The following HEXD variants were observed in gnomAD, a reference collection of about 807,000 sequenced individuals.
HEXD encodes the protein N-acetyl-beta-galactosaminidase.
In HEXD, 47 loss-of-function variants were observed where a neutral mutation model predicts 54.2. The observed-to-expected ratio is 0.87, with a 90% CI of 0.69 to 1.11. HEXD has a LOEUF of 1.11. Ranked by LOEUF, HEXD falls within the 50% of genes least tolerant of loss-of-function variation. The pLI is 0.00. For synonymous variants in HEXD, 293 were observed against 287.6 expected (o/e 1.02, Z -0.19); for missense variants, 576 against 649.2 (o/e 0.89, Z 1.23).
intron 5 of HEXD, among the ~76,000 whole-genome samples, chr17:82,435,441 G>A (rs374751644): frequency 3.1e-4 from 47 of 152,224 alleles, no homozygotes; most frequent in African/African-American, 1.1e-3. Context: ...ATGGACCCCT[G>A]TGGTCTCTGC....
At position 82,437,283 on chromosome 17, in the gene HEXD, G is replaced by A. The variant is rs190233274; in HGVS notation, c.819G>A (p.Arg273=). Residue 273 remains arginine, a synonymous_variant, in exon 8 of 13, where the codon AGG becomes AGA. Coordinates refer to ENST00000327949, the MANE Select transcript of HEXD (RefSeq NM_001330542.2). ...TGCCCCCTGTTGAGCACCACCTCAG[G>A]AACCACGTGCAGTGGCTGCAGGTGG... ...QAVPPVEHHL[R]NHVQWLQVAG... is the part of the protein sequence containing the mutation. 96 of 1,612,460 alleles carry A rather than the reference G, an allele frequency of 6.0e-5. No individual in the cohort carries two copies. In the African/African-American group the frequency reaches 1.1e-3, roughly 18 times the overall value.
intron 2 of HEXD, chr17:82,420,536 G>A (rs2053204079): frequency 6.6e-6 from 1 of 152,284 alleles, no homozygotes; most frequent in South Asian, 2.1e-4. Flanking sequence ...AGAACTGTGA[G>A]AGAATAAATT....
At chr17:82,437,607 T>C (rs2053808741) in intron 8 of HEXD, among the ~76,000 whole-genome samples, 1 of 145,708 alleles carries the variant, frequency 6.9e-6, no homozygotes, top group African/African-American at 2.6e-5. Flanking sequence ...ATGCTACCCG[T>C]GTGCGCCGCA....
intron 4 of HEXD, among the ~76,000 whole-genome samples, chr17:82,433,091 A>AAAAAAATATAT (rs1555617647): frequency 7.6e-5 from 1 of 13,234 alleles, no homozygotes; most frequent in African/African-American, 6.0e-4. Context: ...AAAAAAAAAA[A>AAAAAAATATAT]ATATATATAT....
rs748365020 is a variant in HEXD at position 82,441,788 on chromosome 17, G to A, written c.1164-12G>A. 5 of 1,612,670 alleles carry A rather than the reference G, an allele frequency of 3.1e-6. No homozygotes were observed. The South Asian group carries it at 4.4e-5, about 14-fold the overall frequency. Reference sequence around the variant, plus strand: ...GTAGCCCGCGGCACACCCCTATGTGGATTTGCCCCAGGTATGTCACTGGCT... The same window carrying A: ...GTAGCCCGCGGCACACCCCTATGTGAATTTGCCCCAGGTATGTCACTGGCT... On this transcript the variant is annotated splice_polypyrimidine_tract_variant and intron_variant, in intron 11 of 12. Transcript: ENST00000327949.
At chr17:82,433,980 T>G (rs922760317) in intron 5 of HEXD, among the ~76,000 whole-genome samples, 158 bp downstream of exon 5, 2 of 152,162 alleles carry the variant, frequency 1.3e-5, no homozygotes, top group Non-Finnish European at 2.9e-5. Context: ...ATGGGCGGCC[T>G]GGCACGGGAC....
rs781038331 is a variant in HEXD, at chr17:82,441,232, C to T, written c.1129C>T (p.Arg377Cys). Residue 377 changes from arginine (R) to cysteine (C), a missense_variant, in exon 11 of 13, where the codon CGC becomes TGC. Coordinates refer to ENST00000327949, the MANE Select transcript of HEXD (RefSeq NM_001330542.2). ...ALVTQVSLHL[R>C]SSVDALLEGN... ...TGTCACACAAGTCAGCCTCCATCTGCGCAGCTCTGTGGATGCGCTGCTGGA... is the reference window on the plus strand; with the variant it reads ...TGTCACACAAGTCAGCCTCCATCTGTGCAGCTCTGTGGATGCGCTGCTGGA... 7 of 1,612,630 alleles carry T rather than the reference C, an allele frequency of 4.3e-6. No homozygotes were observed. Among genetic ancestry groups the T allele is most frequent in the East Asian group, 2.2e-5 (1 of 44,866 alleles).
chr17:82,437,067 G>T, intron 7 of HEXD, 101 bp from the exon 8 acceptor site: 4 of 1,053,402 alleles, frequency 3.8e-6, no homozygotes, highest in Non-Finnish European at 5.6e-6. Flanking sequence ...GCTGTCTCAG[G>T]CGGCTCCCAT....
intron 4 of HEXD, among the ~76,000 whole-genome samples, chr17:82,429,033 G>A (rs982092228): frequency 2.0e-5 from 3 of 152,140 alleles, no homozygotes; most frequent in Non-Finnish European, 4.4e-5. Flanking sequence ...GCCGAGGCTG[G>A]TGGATCACCT....
chr17:82,435,538 G>A (rs1450199429), intron 5 of HEXD, 151 bp from the exon 6 acceptor site: 11 of 670,248 alleles, frequency 1.6e-5, no homozygotes, highest in Non-Finnish European at 2.8e-5. Context: ...ACAGGGACAC[G>A]CTGGGGGTGG....
intron 4 of HEXD, among the ~76,000 whole-genome samples, chr17:82,429,005 A>T (rs1378045037): frequency 6.6e-6 from 1 of 152,170 alleles, no homozygotes; most frequent in African/African-American, 2.4e-5. Flanking sequence ...ACCAGTAGTA[A>T]TCCCAGCACT....
Position 82,418,371 on chromosome 17 carries a change from T to C in HEXD, c.-421T>C. On this transcript the variant is annotated 5_prime_UTR_variant, in exon 1 of 13. Coordinates refer to ENST00000327949, the MANE Select transcript of HEXD (RefSeq NM_001330542.2). The stretch of plus-strand genomic sequence containing the variant: ...CAGTCCCGCCCACTCCATGGCCCTG[T>C]CCGCCGCCGCAGCGCGCGCCCTTCC... 7.6e-7 allele frequency: 1 copy of C among 1,314,860 alleles called. No homozygotes were observed. The highest frequency in any genetic ancestry group is 3.9e-5 in the East Asian group (1 of 25,832). 81.4% of individuals were successfully genotyped at this position (1,314,860 alleles called of 1,614,324 possible).
intron 3 of HEXD, 65 bp from the exon 4 acceptor site, chr17:82,428,493 G>C (rs1341979885): frequency 4.1e-5 from 57 of 1,398,538 alleles, no homozygotes; most frequent in Middle Eastern, 4.2e-4. Flanking sequence ...GAAGGGCTGG[G>C]GGGGTGGGTG....
chr17:82,441,763 G>A, intron 11 of HEXD, 37 bp from the exon 12 acceptor site: 1 of 1,570,060 alleles, frequency 6.4e-7, no homozygotes, highest in Non-Finnish European at 8.8e-7. Flanking sequence ...GGCTGCCTTG[G>A]TAGCCCGCGG....
At chr17:82,430,927 G>T (rs113972752) in intron 4 of HEXD, among the ~76,000 whole-genome samples, 1 of 151,998 alleles carries the variant, frequency 6.6e-6, no homozygotes, top group Non-Finnish European at 1.5e-5. Flanking sequence ...TTTAACTTCT[G>T]TGCATTTTTC....
chr17:82,435,711 A>C lies in HEXD; in HGVS notation c.470A>C (p.Glu157Ala). ...CDEVYYLGEG[E>A]ASRRWLQQEQ... ...CAGGTCTATTACCTCGGAGAGGGGG[A>C]GGCCTCGCGCCGGTGGCTACAGCAA... The change falls in exon 6 of 13, where the codon GAG becomes GCG. Residue 157 changes from glutamate to alanine, a missense_variant. Coordinates refer to ENST00000327949, the MANE Select transcript of HEXD (RefSeq NM_001330542.2). The C allele has an allele frequency of 6.2e-7, 1 of 1,612,196 alleles. No individual in the cohort carries two copies. Among genetic ancestry groups the C allele is most frequent in the Non-Finnish European group, 8.5e-7 (1 of 1,179,354 alleles).
At position 82,434,103 on chromosome 17, in the gene HEXD, G is replaced by A. The variant is rs1053150097; in HGVS notation, c.447+281G>A. Reference sequence around the variant, plus strand: ...TGCAGAGCCCGAGGGAGGCACCCTCGTGTCAGACGAGACCACCCCGGGCGG... The same window carrying A: ...TGCAGAGCCCGAGGGAGGCACCCTCATGTCAGACGAGACCACCCCGGGCGG... On this transcript the variant is annotated intron_variant, in intron 5 of 12. Transcript: ENST00000327949. This position sits in a 1 kb window ranked among gnomAD's most constrained non-coding sequence, Gnocchi z 4.5. Among the ~76,000 whole-genome samples, 17 of 152,238 alleles carry A rather than the reference G, an allele frequency of 1.1e-4. No homozygotes were observed. The highest frequency in any genetic ancestry group is 1.2e-4 in the African/African-American group (5 of 41,466).
At position 82,442,449 on chromosome 17, in the gene HEXD, T is replaced by C. The variant is rs2143663198; in HGVS notation, c.*65T>C. Reference sequence around the variant, plus strand: ...GGGGGCTCTGCACTGCCAAATGGCCTGGGCAATACGGGCCCACGTGGGCGT... The same window carrying C: ...GGGGGCTCTGCACTGCCAAATGGCCCGGGCAATACGGGCCCACGTGGGCGT... On this transcript the variant is annotated 3_prime_UTR_variant, in exon 13 of 13. Coordinates refer to ENST00000327949, the MANE Select transcript of HEXD (RefSeq NM_001330542.2). The surrounding 1 kb of genome is among the most constrained non-coding windows in gnomAD (Gnocchi z 6.8). 3 of 1,609,436 alleles carry C rather than the reference T, an allele frequency of 1.9e-6. No individual in the cohort carries two copies. Among genetic ancestry groups the C allele is most frequent in the Non-Finnish European group, 2.5e-6 (3 of 1,177,026 alleles).
At position 82,439,720 on chromosome 17, in the gene HEXD, C is replaced by T. The variant is rs772757769; in HGVS notation, c.982+7C>T. 5.7e-5 allele frequency: 91 copies of T among 1,599,482 alleles called. No homozygotes were observed. The highest frequency in any genetic ancestry group is 7.3e-5 in the Non-Finnish European group (86 of 1,179,612). On this transcript the variant is annotated splice_region_variant and intron_variant, in intron 9 of 12. Coordinates refer to ENST00000327949, the MANE Select transcript of HEXD (RefSeq NM_001330542.2). ...CTGCAGTTGCTTCTACGCGGTATGT[C>T]TGGTCTGGCCACCCCAAGCCCCACC...
Sources: allele counts gnomAD v4.1 joint callset (sites outside exome capture counted in the v4.1 genomes callset), GRCh38; gene constraint gnomAD v4.1.1; non-coding constraint Gnocchi (gnomAD v3.1); transcripts MANE v1.5; gene names NCBI Gene and HGNC (gene_info 2026-07-23, HGNC 2026-07-21).